The following EIF4G3 variants were observed in gnomAD, a reference collection of about 807,000 sequenced individuals.
EIF4G3 encodes eIF-4-gamma 3.
A neutral mutation model predicts 186.4 loss-of-function variants in EIF4G3; 34 were observed. That is an observed-to-expected ratio of 0.18 (90% CI 0.14 to 0.24). The LOEUF (loss-of-function observed/expected upper bound fraction) is 0.24, where lower values mean the gene tolerates loss of function less well. Ranked by LOEUF, EIF4G3 falls within the 10% of genes least tolerant of loss-of-function variation. The pLI is 1.00. For synonymous variants in EIF4G3, 673 were observed against 679.5 expected (o/e 0.99, Z 0.15); for missense variants, 1,536 against 1,948.5 (o/e 0.79, Z 3.99).
At position 21,146,463 on chromosome 1, in the gene EIF4G3, A is replaced by T. The variant is rs185612316; in HGVS notation, c.-272+29712T>A. 2.4e-3 allele frequency among the ~76,000 whole-genome samples: 361 copies of T among 152,364 alleles called. 2 individuals carry two copies. The highest frequency in any genetic ancestry group is 4.4e-3 in the Admixed American group (68 of 15,288). ...AAATCAGAAAGGCAATTTTATATTT[A>T]AAAAATATTAAAATTGGCTGGGCGG... On this transcript the variant is annotated intron_variant, in intron 2 of 36. Coordinates refer to ENST00000602326, the MANE Select transcript of EIF4G3 (RefSeq NM_001391906.1).
intron 3 of EIF4G3, chr1:21,073,727 T>C (rs868147514): frequency 1.0e-5 from 5 of 492,962 alleles, no homozygotes; most frequent in African/African-American, 5.8e-5. Flanking sequence ...TGTTAGAGAC[T>C]GTATTGTAGG....
intron 2 of EIF4G3, among the ~76,000 whole-genome samples, chr1:21,105,299 G>A (rs1327480884): frequency 1.3e-5 from 2 of 152,102 alleles, no homozygotes; most frequent in African/African-American, 2.4e-5. Flanking sequence ...AGGTGGTGGC[G>A]CAAGCCTGTA....
chr1:21,155,001 G>A (rs1461860642), intron 2 of EIF4G3, among the ~76,000 whole-genome samples: 5 of 151,894 alleles, frequency 3.3e-5, no homozygotes, highest in African/African-American at 9.7e-5. Context: ...AGTGGCTCAC[G>A]CCTGTAATCC....
chr1:20,946,298 AACTC>A (rs1008016489), intron 13 of EIF4G3, among the ~76,000 whole-genome samples: 13 of 152,294 alleles, frequency 8.5e-5, no homozygotes, highest in African/African-American at 3.1e-4. Flanking sequence ...GGCACCAACT[AACTC>A]CTTTAATTAT....
intron 4 of EIF4G3, among the ~76,000 whole-genome samples, chr1:21,030,493 C>A (rs973251868): frequency 3.3e-5 from 5 of 152,156 alleles, no homozygotes; most frequent in African/African-American, 1.2e-4. Context: ...GCCTCCCCAG[C>A]CATGTGGAGC....
At chr1:20,855,107 A>C (rs778849626) in intron 25 of EIF4G3, 36 bp from the exon 26 acceptor site, 20 of 1,465,256 alleles carry the variant, frequency 1.4e-5, no homozygotes, top group Non-Finnish European at 1.8e-5. Flanking sequence ...ATTATAGGAA[A>C]TATTCTAGAA....
intron 20 of EIF4G3, among the ~76,000 whole-genome samples, chr1:20,865,775 C>T (rs935412387): frequency 6.6e-6 from 1 of 152,048 alleles, no homozygotes; most frequent in Non-Finnish European, 1.5e-5. Flanking sequence ...TGGGGAATGT[C>T]ATAATGTTAG....
chr1:21,001,138 A>C (rs1419524830), intron 6 of EIF4G3, 61 bp downstream of exon 6: 5 of 467,824 alleles, frequency 1.1e-5, no homozygotes, highest in African/African-American at 2.0e-5. Flanking sequence ...GATGTGGTCA[A>C]AAATACTAAG....
At chr1:20,927,760 T>C (rs1301565019) in intron 14 of EIF4G3, among the ~76,000 whole-genome samples, 1 of 152,196 alleles carries the variant, frequency 6.6e-6, no homozygotes, top group Non-Finnish European at 1.5e-5. Flanking sequence ...ACAGATCCCT[T>C]ATGTTCTGAT....
intron 2 of EIF4G3, among the ~76,000 whole-genome samples, chr1:21,135,019 T>C (rs907675229): frequency 1.3e-5 from 2 of 152,188 alleles, no homozygotes; most frequent in Non-Finnish European, 2.9e-5. Flanking sequence ...TAATACATCA[T>C]CATCATCATG....
At chr1:20,821,628 T>C (rs911858893) in intron 33 of EIF4G3, among the ~76,000 whole-genome samples, 1 of 151,860 alleles carries the variant, frequency 6.6e-6, no homozygotes, top group Admixed American at 6.6e-5. Context: ...TTCCCTATTA[T>C]GTATACTTCT....
chr1:20,843,446 G>A (rs1251933928), intron 29 of EIF4G3, among the ~76,000 whole-genome samples: 1 of 151,962 alleles, frequency 6.6e-6, no homozygotes, highest in Non-Finnish European at 1.5e-5. Flanking sequence ...GAACCCGGGA[G>A]GCGGAGGTTG....
At chr1:20,975,766 T>C (rs1342581541) in intron 10 of EIF4G3, among the ~76,000 whole-genome samples, 1 of 152,100 alleles carries the variant, frequency 6.6e-6, no homozygotes, top group African/African-American at 2.4e-5. Context: ...AAATTTCTTA[T>C]GCATGGAATG....
chr1:20,815,672 CG>C (rs2060495953), intron 34 of EIF4G3, among the ~76,000 whole-genome samples: 1 of 143,466 alleles, frequency 7.0e-6, no homozygotes, highest in Non-Finnish European at 1.5e-5. Context: ...GCCCCCCGCC[CG>C]GCCAGCCGCC....
chr1:20,887,330 GC>G (rs1342835026), intron 18 of EIF4G3, among the ~76,000 whole-genome samples: 1 of 151,754 alleles, frequency 6.6e-6, no homozygotes, highest in Non-Finnish European at 1.5e-5. Context: ...CTCACTTAAG[GC>G]CCCAATGCTG....
chr1:20,961,981 G>A (rs2096579852), intron 12 of EIF4G3, among the ~76,000 whole-genome samples: 1 of 152,166 alleles, frequency 6.6e-6, no homozygotes, highest in Non-Finnish European at 1.5e-5. Flanking sequence ...ATGACAAAAT[G>A]AAATTTTAAA....
At position 20,864,694 on chromosome 1, in the gene EIF4G3, G is replaced by A; in HGVS notation, c.2788C>T (p.Leu930Phe). 1 of 1,614,098 alleles carries A rather than the reference G, an allele frequency of 6.2e-7. No individual in the cohort carries two copies. The highest frequency in any genetic ancestry group is 1.1e-5 in the South Asian group (1 of 91,074). Residue 930 changes from leucine to phenylalanine, a missense_variant, in exon 22 of 37, where the codon CTT (leucine) becomes TTT (phenylalanine). Leu to Phe is a conservative substitution (Grantham distance 22). This residue lies in a region of EIF4G3 where 77 missense variants were observed against 131.6 expected (regional missense o/e 0.59). Transcript: ENST00000602326. The stretch of plus-strand genomic sequence containing the variant: ...TTGGCTTCTTCCAGTTCATCATGAA[G>A]CCTTGTCCTCTCCTCTGGCTGTTGT... ...AASAPEERTR[L>F]HDELEEAKDK...
chr1:20,873,631 T>G (rs1414035759), intron 20 of EIF4G3, among the ~76,000 whole-genome samples: 1 of 151,490 alleles, frequency 6.6e-6, no homozygotes, highest in East Asian at 1.9e-4. Flanking sequence ...TTCAATCTAG[T>G]GGGGGTGAAT....
chr1:20,846,366 G>C lies in EIF4G3; in HGVS notation c.3888+3049C>G, dbSNP rs1449902096. Among the ~76,000 whole-genome samples, 41 of 152,158 alleles carry C rather than the reference G, an allele frequency of 2.7e-4. 1 individual carries two copies. Among genetic ancestry groups the C allele is most frequent in the Admixed American group, 2.4e-3 (37 of 15,268 alleles). ...ATTCTTGTCTTGCACTGGTTTTCAAGGGTAATACTTCCAGCTATATCATTA... is the reference window on the plus strand; with the variant it reads ...ATTCTTGTCTTGCACTGGTTTTCAACGGTAATACTTCCAGCTATATCATTA... On this transcript the variant is annotated intron_variant, in intron 29 of 36. Transcript: ENST00000602326.
Sources: allele counts gnomAD v4.1 joint callset (sites outside exome capture counted in the v4.1 genomes callset), GRCh38; gene constraint gnomAD v4.1.1; regional missense constraint gnomAD v4.1.1; transcripts MANE v1.5; gene names NCBI Gene and HGNC (gene_info 2026-07-23, HGNC 2026-07-21).